PLAAT5: variants seen among roughly 807,000 people sequenced by gnomAD.
PLAAT5 encodes the protein Ca(2+)-independent N-acyltransferase.
In PLAAT5, 27 loss-of-function variants were observed where a neutral mutation model predicts 27.8. The ratio of observed to expected loss-of-function variants is 0.97; its 90% CI spans 0.72 to 1.34. The LOEUF is 1.34. Ranked by LOEUF, PLAAT5 falls within the 40% of genes most tolerant of loss-of-function variation. PLAAT5 has a pLI of 0.00. For synonymous variants in PLAAT5, 125 were observed against 136.1 expected (o/e 0.92, Z 0.57); for missense variants, 368 against 343.8 (o/e 1.07, Z -0.56).
chr11:63,490,570 TGAA>T (rs2120351702), intron 1 of PLAAT5: 2 of 667,188 alleles, frequency 3.0e-6, no homozygotes, highest in South Asian at 1.9e-5. Flanking sequence ...GGGGAGAGGA[TGAA>T]GAAGGGCGCC....
At chr11:63,489,027 A>G (rs757200410) in intron 2 of PLAAT5, 51 bp from the exon 3 acceptor site, 1 of 1,287,178 alleles carries the variant, frequency 7.8e-7, no homozygotes, top group South Asian at 1.2e-5. Context: ...TTTCATAATT[A>G]TTGGAAAATC....
At chr11:63,485,575 T>C (rs1412578634) in intron 3 of PLAAT5, among the ~76,000 whole-genome samples, 3 of 152,294 alleles carry the variant, frequency 2.0e-5, no homozygotes, top group Non-Finnish European at 1.5e-5. Flanking sequence ...AAGCCACATG[T>C]AGAAGAATAA....
At chr11:63,463,964 A>T (rs2015786731) in intron 5 of PLAAT5, among the ~76,000 whole-genome samples, 1 of 152,190 alleles carries the variant, frequency 6.6e-6, no homozygotes, top group Non-Finnish European at 1.5e-5. Context: ...CAGTGAATTC[A>T]TGTCCAAACT....
At chr11:63,465,406 G>A (rs895149719) in intron 5 of PLAAT5, among the ~76,000 whole-genome samples, 2 of 151,078 alleles carry the variant, frequency 1.3e-5, no homozygotes, top group African/African-American at 2.5e-5. Flanking sequence ...GTGTGTGTGT[G>A]TGTGTGTATC....
chr11:63,466,296 A>G lies in PLAAT5; in HGVS notation c.531T>C (p.Asp177=). 6.2e-7 allele frequency: 1 copy of G among 1,614,174 alleles called. No homozygotes were observed. The highest frequency in any genetic ancestry group is 8.5e-7 in the Non-Finnish European group (1 of 1,180,040). Residue 177 remains aspartate, a synonymous_variant, in exon 5 of 6, where the codon GAT becomes GAC. Coordinates refer to ENST00000540857, the MANE Select transcript of PLAAT5 (RefSeq NM_001146729.2). ...CCTTCCAGGAGCAGCCATGCAGCAC[A>G]TCCTCCAGACGACTGTATTTCACCA... is the stretch of plus-strand genomic sequence containing the variant. ...RAVVKYSRLE[D]VLHGCSWKVN... is the part of the protein sequence containing the mutation.
In PLAAT5 at chr11:63,463,529, T is replaced by C. The variant is rs2015772084; in HGVS notation, c.784A>G (p.Ile262Val). 3.7e-6 allele frequency: 6 copies of C among 1,613,772 alleles called. No homozygotes were observed. Among genetic ancestry groups the C allele is most frequent in the Middle Eastern group, 1.6e-4 (1 of 6,084 alleles). ...CAGGCAGTTATTGGTTTGGGCTTTA[T>C]GCTATCCACTACAGCTGAAATAACT... is the stretch of plus-strand genomic sequence containing the variant. ...GAVISAVVDS[I>V]KPKPITA Residue 262 changes from isoleucine to valine, a missense_variant, in exon 6 of 6, where the codon ATA becomes GTA. Physicochemically the swap from Ile to Val is conservative, Grantham distance 29. Coordinates refer to ENST00000540857, the MANE Select transcript of PLAAT5 (RefSeq NM_001146729.2).
intron 4 of PLAAT5, 73 bp from the exon 5 acceptor site, chr11:63,466,445 G>C: frequency 1.4e-6 from 2 of 1,469,690 alleles, no homozygotes; most frequent in Non-Finnish European, 1.8e-6. Context: ...AAGACTCTGA[G>C]TAAGCTGCTT....
At chr11:63,473,035 G>A (rs951145299) in intron 3 of PLAAT5, among the ~76,000 whole-genome samples, 2 of 151,960 alleles carry the variant, frequency 1.3e-5, no homozygotes, top group South Asian at 2.1e-4. Context: ...GCTTGAATCC[G>A]GGAGGCAGAG....
At chr11:63,484,177 C>T (rs1271076499) in intron 3 of PLAAT5, among the ~76,000 whole-genome samples, 1 of 149,164 alleles carries the variant, frequency 6.7e-6, no homozygotes, top group Non-Finnish European at 1.5e-5. Flanking sequence ...AAAAAAAGTC[C>T]AGGACCAGAC....
chr11:63,481,995 A>G (rs1051313714), intron 3 of PLAAT5, among the ~76,000 whole-genome samples: 11 of 152,236 alleles, frequency 7.2e-5, no homozygotes, highest in Non-Finnish European at 1.6e-4. Context: ...AACATGGCAC[A>G]TGTATACATA....
chr11:63,468,583 AAACCC>A (rs2015928386), intron 3 of PLAAT5, 118 bp from the exon 4 acceptor site: 3 of 703,126 alleles, frequency 4.3e-6, no homozygotes, highest in Admixed American at 2.9e-5. Context: ...CACTTCACAG[AAACCC>A]AAGCTAAAGA....
intron 3 of PLAAT5, among the ~76,000 whole-genome samples, chr11:63,473,258 C>T (rs968671607): frequency 2.6e-5 from 4 of 152,110 alleles, no homozygotes; most frequent in Admixed American, 2.6e-4. Context: ...AGTCAATTGG[C>T]GCCTTTTTTC....
At chr11:63,489,904 A>G (rs557336293) in intron 2 of PLAAT5, among the ~76,000 whole-genome samples, 3 of 152,346 alleles carry the variant, frequency 2.0e-5, no homozygotes, top group African/African-American at 7.2e-5. Flanking sequence ...TGTTAATGAA[A>G]GTGAATTCAG....
intron 1 of PLAAT5, chr11:63,490,578 G>A: frequency 1.5e-6 from 1 of 651,426 alleles, no homozygotes; most frequent in South Asian, 1.9e-5. Flanking sequence ...GATGAAGAAG[G>A]GCGCCTCGCC....
intron 3 of PLAAT5, among the ~76,000 whole-genome samples, chr11:63,476,497 C>T (rs2016154362): frequency 6.6e-6 from 1 of 152,136 alleles, no homozygotes; most frequent in Non-Finnish European, 1.5e-5. Flanking sequence ...TATTGGTTAA[C>T]AGGTTTTTTT....
At chr11:63,468,091 T>C (rs1272972142) in intron 4 of PLAAT5, among the ~76,000 whole-genome samples, 1 of 152,190 alleles carries the variant, frequency 6.6e-6, no homozygotes, top group African/African-American at 2.4e-5. Context: ...AGTTCTAAAA[T>C]GTGTGTATTT....
chr11:63,488,151 A>G (rs2016480913), intron 3 of PLAAT5, among the ~76,000 whole-genome samples: 1 of 152,248 alleles, frequency 6.6e-6, no homozygotes, highest in Non-Finnish European at 1.5e-5. Context: ...TCTCGAAAAA[A>G]ATATATATAG....
At chr11:63,479,768 C>A (rs867768835) in intron 3 of PLAAT5, among the ~76,000 whole-genome samples, 5 of 152,154 alleles carry the variant, frequency 3.3e-5, no homozygotes, top group African/African-American at 1.2e-4. Context: ...AACAGAAATG[C>A]CCATGGACAA....
In PLAAT5 at chr11:63,462,703, T is replaced by C. The variant is rs988867984; in HGVS notation, c.*800A>G. On this transcript the variant is annotated 3_prime_UTR_variant, in exon 6 of 6. Transcript: ENST00000540857. ...TTCAGATCTTCCATCCTGTCAACTT[T>C]CTTCAAAACACAAAAATAACTCCTT... is the stretch of plus-strand genomic sequence containing the variant. The C allele has an allele frequency of 6.6e-6, 1 of 152,186 alleles. No individual in the cohort carries two copies. Among genetic ancestry groups the C allele is most frequent in the Admixed American group, 6.5e-5 (1 of 15,280 alleles). The allele number at this position is 152,186 out of a possible 1,614,324, so 9.4% of individuals were successfully genotyped here. A position where few individuals can be genotyped will look rare whatever the true frequency, so the allele number is the denominator to read the frequency against.
Sources: allele counts gnomAD v4.1 joint callset (sites outside exome capture counted in the v4.1 genomes callset), GRCh38; gene constraint gnomAD v4.1.1; transcripts MANE v1.5; gene names NCBI Gene and HGNC (gene_info 2026-07-23, HGNC 2026-07-21).